NSMCE2: variants seen among roughly 807,000 people sequenced by gnomAD.
The protein encoded by NSMCE2 is E3 SUMO-protein ligase NSE2.
NSMCE2 carries 24 observed loss-of-function variants against 23.8 expected under a neutral mutation model. The ratio of observed to expected loss-of-function variants is 1.01; its 90% CI spans 0.73 to 1.42. The LOEUF (loss-of-function observed/expected upper bound fraction) is 1.42, where lower values mean the gene tolerates loss of function less well. Among genes scored for constraint, NSMCE2 ranks in the 40% most tolerant of loss-of-function variants. The probability of loss-of-function intolerance (pLI) is 0.00; values close to 1 mark genes in which losing one functional copy is unlikely to be tolerated. For synonymous variants in NSMCE2, 92 were observed against 94.1 expected (o/e 0.98, Z 0.13); for missense variants, 284 against 296.5 (o/e 0.96, Z 0.31).
At chr8:125,312,660 T>C (rs551198134) in intron 5 of NSMCE2, among the ~76,000 whole-genome samples, 1 of 152,236 alleles carries the variant, frequency 6.6e-6, no homozygotes, top group African/African-American at 2.4e-5. Context: ...AATAAATGTG[T>C]TGCATCTGCA....
intron 5 of NSMCE2, among the ~76,000 whole-genome samples, chr8:125,342,920 G>T (rs9297716): frequency 0.01 from 1,542 of 151,954 alleles, 21 homozygotes; most frequent in African/African-American, 0.035. Context: ...TTGCACCCTC[G>T]GGCTTTGATC....
At chr8:125,277,666 C>A (rs1016670476) in intron 5 of NSMCE2, among the ~76,000 whole-genome samples, 5 of 152,142 alleles carry the variant, frequency 3.3e-5, no homozygotes, top group African/African-American at 1.2e-4. Context: ...GCCACCACAC[C>A]TGGCTAATTT....
intron 5 of NSMCE2, among the ~76,000 whole-genome samples, chr8:125,244,045 T>C (rs539485587): frequency 3.3e-5 from 5 of 152,204 alleles, no homozygotes; most frequent in African/African-American, 1.2e-4. Flanking sequence ...TTTTTTTAAG[T>C]AGCATAGAAT....
chr8:125,351,406 A>T (rs1008471145), intron 5 of NSMCE2: 1 of 151,432 alleles, frequency 6.6e-6, no homozygotes, highest in Non-Finnish European at 1.5e-5. Context: ...TCCATCCCTC[A>T]TGGGTGCGCT....
At chr8:125,322,513 ACAT>A (rs974918730) in intron 5 of NSMCE2, among the ~76,000 whole-genome samples, 57 of 152,342 alleles carry the variant, frequency 3.7e-4, no homozygotes, top group African/African-American at 1.3e-3. Context: ...CCTACATATA[ACAT>A]CATACTTCAT....
At chr8:125,133,275 A>G (rs1819865836) in intron 3 of NSMCE2, among the ~76,000 whole-genome samples, 1 of 152,244 alleles carries the variant, frequency 6.6e-6, no homozygotes, top group Non-Finnish European at 1.5e-5. Context: ...ATTTAAGTAG[A>G]AAAGTTTGTT....
At chr8:125,162,678 G>A (rs1312865887) in intron 4 of NSMCE2, among the ~76,000 whole-genome samples, 3 of 152,080 alleles carry the variant, frequency 2.0e-5, no homozygotes, top group Non-Finnish European at 2.9e-5. Context: ...TAAGGGCAAG[G>A]TCTTACTGTT....
At chr8:125,351,778 A>G (rs545709405) in intron 5 of NSMCE2, among the ~76,000 whole-genome samples, 12 of 152,226 alleles carry the variant, frequency 7.9e-5, no homozygotes, top group African/African-American at 2.2e-4. Context: ...TGGGAGGCCA[A>G]GACAGGCAGA....
chr8:125,328,110 A>G (rs1172747135), intron 5 of NSMCE2, among the ~76,000 whole-genome samples: 1 of 150,222 alleles, frequency 6.7e-6, no homozygotes, highest in Non-Finnish European at 1.5e-5. Context: ...TTGTATAGTC[A>G]CTTTTAAGAG....
chr8:125,190,341 C>CCAAACTTTAA (rs1563708382), intron 5 of NSMCE2, among the ~76,000 whole-genome samples: 1 of 152,134 alleles, frequency 6.6e-6, no homozygotes, highest in African/African-American at 2.4e-5. Flanking sequence ...CATGGTGAAG[C>CCAAACTTTAA]AGCCTCAGAG....
intron 5 of NSMCE2, among the ~76,000 whole-genome samples, chr8:125,216,358 G>A (rs540211216): frequency 7.9e-5 from 12 of 152,174 alleles, no homozygotes. Flanking sequence ...TGATCTGTGG[G>A]TCCGGGCGCG....
At chr8:125,126,370 C>CA (rs76825647) in intron 3 of NSMCE2, among the ~76,000 whole-genome samples, 14,455 of 127,750 alleles carry the variant, frequency 0.11, 751 homozygotes, top group African/African-American at 0.13. Flanking sequence ...GACTCTGTTT[C>CA]AAAAAAAAAA....
intron 5 of NSMCE2, among the ~76,000 whole-genome samples, chr8:125,245,758 G>A (rs1337470731): frequency 1.3e-5 from 2 of 152,172 alleles, no homozygotes; most frequent in South Asian, 4.1e-4. Context: ...ATGAAGGCCA[G>A]CTCTGTGGCT....
intron 5 of NSMCE2, among the ~76,000 whole-genome samples, chr8:125,196,424 A>G (rs78162782): frequency 3.3e-5 from 5 of 151,970 alleles, no homozygotes; most frequent in South Asian, 2.1e-4. Context: ...TCATTGCTCA[A>G]TTTCCACCTG....
chr8:125,171,220 A>ATTT (rs945975573), intron 4 of NSMCE2, among the ~76,000 whole-genome samples: 1 of 152,100 alleles, frequency 6.6e-6, no homozygotes, highest in African/African-American at 2.4e-5. Flanking sequence ...CTAGTTACGT[A>ATTT]TTTTCTTATT....
At chr8:125,109,809 A>G (rs1818641831) in intron 3 of NSMCE2, among the ~76,000 whole-genome samples, 3 of 152,164 alleles carry the variant, frequency 2.0e-5, no homozygotes, top group South Asian at 4.1e-4. Flanking sequence ...TGTCTAGGCA[A>G]TTAGACTCAC....
chr8:125,264,380 C>T (rs1162582355), intron 5 of NSMCE2, among the ~76,000 whole-genome samples: 1 of 152,166 alleles, frequency 6.6e-6, no homozygotes, highest in Admixed American at 6.5e-5. Flanking sequence ...CTCAGCAGCG[C>T]CTGTCCCAGG....
chr8:125,093,238 A>G (rs973494363), intron 1 of NSMCE2, among the ~76,000 whole-genome samples: 1 of 152,226 alleles, frequency 6.6e-6, no homozygotes, highest in Non-Finnish European at 1.5e-5. Flanking sequence ...ATCTTTTAAA[A>G]GGGCACTAAT....
intron 5 of NSMCE2, 185 bp downstream of exon 5, chr8:125,182,441 C>A: frequency 3.3e-6 from 2 of 611,164 alleles, no homozygotes; most frequent in Admixed American, 6.5e-5. Flanking sequence ...TCAGCCTGCT[C>A]ATTTCTGAAA....
Sources: gnomAD v4.1 joint callset for allele counts (sites outside exome capture counted in the v4.1 genomes callset) on GRCh38, gnomAD v4.1.1 for gene constraint, MANE v1.5 for transcripts, NCBI Gene and HGNC (gene_info 2026-07-23, HGNC 2026-07-21) for gene names.